RNF152: variants seen among roughly 807,000 people sequenced by gnomAD.
RNF152 encodes ring finger protein 152.
RNF152 carries 11 observed loss-of-function variants against 12.7 expected under a neutral mutation model. The ratio of observed to expected loss-of-function variants is 0.86; its 90% CI spans 0.54 to 1.43. The LOEUF is 1.43. Ranked by LOEUF, RNF152 falls within the 40% of genes most tolerant of loss-of-function variation. The pLI, the probability that RNF152 is intolerant of heterozygous loss-of-function variation, is 0.00. For missense variants in RNF152, 255 were observed against 274.8 expected, an observed-to-expected ratio of 0.93 and a Z score of 0.51; for synonymous variants, 113 against 120.3, an observed-to-expected ratio of 0.94 and a Z score of 0.40.
chr18:61,847,400 C>T (rs1169865089), intron 1 of RNF152, among the ~76,000 whole-genome samples: 1 of 152,200 alleles, frequency 6.6e-6, no homozygotes, highest in African/African-American at 2.4e-5. Context: ...GGTATTGTTA[C>T]AGTCAGAGCT....
At position 61,809,314 on chromosome 18, in the gene RNF152, G is replaced by T. The variant is rs1912843507; in HGVS notation, c.*6538C>A. 6.6e-6 allele frequency: 1 copy of T among 151,918 alleles called. No individual in the cohort carries two copies. Among genetic ancestry groups the T allele is most frequent in the Non-Finnish European group, 1.5e-5 (1 of 68,000 alleles). The allele number at this position is 151,918 out of a possible 1,614,324, so 9.4% of individuals were successfully genotyped here. A position where few individuals can be genotyped will look rare whatever the true frequency, so the allele number is the denominator to read the frequency against. On this transcript the variant is annotated 3_prime_UTR_variant, in exon 2 of 2. Coordinates refer to ENST00000312828, the MANE Select transcript of RNF152 (RefSeq NM_173557.3). ...GGATTTTCCTAAAGCACAGTGTAAG[G>T]TACCAGCTACTGTGTTCTCCCACTA...
intron 1 of RNF152, among the ~76,000 whole-genome samples, chr18:61,863,433 C>CAAA (rs34663065): frequency 9.9e-5 from 9 of 90,940 alleles, no homozygotes; most frequent in African/African-American, 2.1e-4. Context: ...GACTCCGTCT[C>CAAA]AAAAAAAAAA....
chr18:61,869,160 C>G (rs1156723664), intron 1 of RNF152, among the ~76,000 whole-genome samples: 1 of 152,170 alleles, frequency 6.6e-6, no homozygotes, highest in African/African-American at 2.4e-5. Flanking sequence ...AAAGCCCAGT[C>G]TTAATCATTT....
Position 61,815,353 on chromosome 18 carries a change from G to A in RNF152, c.*499C>T, listed in dbSNP as rs1477243486. On this transcript the variant is annotated 3_prime_UTR_variant, in exon 2 of 2. Transcript: ENST00000312828. ...CATTCAAAATGTATTAAAAGCCTTA[G>A]CAACTAAATGAAGACTGGGTTTCAA... 6.6e-6 allele frequency: 1 copy of A among 151,848 alleles called. No individual in the cohort carries two copies. Among genetic ancestry groups the A allele is most frequent in the Admixed American group, 6.6e-5 (1 of 15,232 alleles). The allele number at this position is 151,848 out of a possible 1,614,324, so 9.4% of individuals were successfully genotyped here. A position where few individuals can be genotyped will look rare whatever the true frequency, so the allele number is the denominator to read the frequency against.
rs535907160 is a variant in RNF152 at position 61,823,859 on chromosome 18, G to A, written c.-135-7261C>T. 3.9e-5 allele frequency among the ~76,000 whole-genome samples: 6 copies of A among 152,354 alleles called. No homozygotes were observed. In the East Asian group the frequency reaches 7.7e-4, roughly 20 times the overall value. ...CCCAATTGGCCTGGCTGCAGCCTAG[G>A]TGCTGTCCCTGTCTGGATGTGCCGT... On this transcript the variant is annotated intron_variant, in intron 1 of 1. Coordinates refer to ENST00000312828, the MANE Select transcript of RNF152 (RefSeq NM_173557.3).
intron 1 of RNF152, among the ~76,000 whole-genome samples, chr18:61,858,774 T>C (rs890863132): frequency 1.4e-4 from 22 of 152,182 alleles, no homozygotes; most frequent in Admixed American, 1.4e-3. Flanking sequence ...CTGCCAGCAG[T>C]TTGCATTCAG....
intron 1 of RNF152, among the ~76,000 whole-genome samples, chr18:61,878,727 C>T (rs951592052): frequency 1.1e-4 from 17 of 152,288 alleles, no homozygotes; most frequent in Admixed American, 5.9e-4. Context: ...TGTGTCCTCA[C>T]GTGGCAGAAG....
At chr18:61,889,397 C>T (rs1012013475) in intron 1 of RNF152, among the ~76,000 whole-genome samples, 1 of 152,218 alleles carries the variant, frequency 6.6e-6, no homozygotes, top group Non-Finnish European at 1.5e-5. Flanking sequence ...CCCGTGCATG[C>T]CGTTATCACA....
chr18:61,816,058 G>T lies in RNF152; in HGVS notation c.406C>A (p.Pro136Thr), dbSNP rs1252018522. 13 of 1,614,094 alleles carry T rather than the reference G, an allele frequency of 8.1e-6. No homozygotes were observed. The highest frequency in any genetic ancestry group is 1.7e-5 in the Admixed American group (1 of 60,016). Residue 136 changes from proline (P) to threonine (T), a missense_variant, in exon 2 of 2, where the codon CCT becomes ACT. By Grantham distance (38) the Pro-to-Thr change is conservative (BLOSUM62 -1). Coordinates refer to ENST00000312828, the MANE Select transcript of RNF152 (RefSeq NM_173557.3). ...QQKSVTVVTI[P>T]AEQQPLQGGA... ...CCTTGCAGAGGCTGCTGTTCAGCAGGGATGGTCACCACGGTGACGGACTTC... is the reference window on the plus strand; with the variant it reads ...CCTTGCAGAGGCTGCTGTTCAGCAGTGATGGTCACCACGGTGACGGACTTC...
intron 1 of RNF152, among the ~76,000 whole-genome samples, chr18:61,882,803 T>G (rs895044634): frequency 3.3e-5 from 5 of 152,054 alleles, no homozygotes; most frequent in African/African-American, 4.8e-5. Context: ...TACAGACTCA[T>G]CACGAAAACC....
intron 1 of RNF152, among the ~76,000 whole-genome samples, chr18:61,870,790 G>A (rs1375228395): frequency 6.6e-6 from 1 of 152,030 alleles, no homozygotes; most frequent in African/African-American, 2.4e-5. Context: ...ACAGTTCAGG[G>A]GAAACAGCAT....
intron 1 of RNF152, among the ~76,000 whole-genome samples, chr18:61,840,246 C>T (rs573845653): frequency 2.6e-5 from 4 of 152,334 alleles, no homozygotes; most frequent in Admixed American, 2.0e-4. Context: ...GCCCCCAGAA[C>T]TGTGAGAAAT....
At chr18:61,893,349 C>T (rs1361248639), upstream of RNF152, 1 of 152,460 alleles carries the variant, frequency 6.6e-6, no homozygotes, top group African/African-American at 2.4e-5. Flanking sequence ...TCGTTTGCCC[C>T]TGTCCGCCAC....
chr18:61,884,086 T>C (rs1408817440), intron 1 of RNF152, among the ~76,000 whole-genome samples: 1 of 152,210 alleles, frequency 6.6e-6, no homozygotes, highest in Non-Finnish European at 1.5e-5. Context: ...GATTGGTGGA[T>C]GGTAGATGCT....
chr18:61,844,120 A>AAGAAAGAAAGAAAGAAAGAAAGAG (rs1568275407), intron 1 of RNF152, among the ~76,000 whole-genome samples: 1 of 138,210 alleles, frequency 7.2e-6, no homozygotes, highest in African/African-American at 2.5e-5. Context: ...GAAAGAAAGA[A>AAGAAAGAAAGAAAGAAAGAAAGAG]AGAAAGAAAG....
chr18:61,892,027 G>A (rs1459996782), intron 1 of RNF152, among the ~76,000 whole-genome samples: 4 of 152,194 alleles, frequency 2.6e-5, no homozygotes, highest in Non-Finnish European at 4.4e-5. Flanking sequence ...TGAAGGTTAC[G>A]TTTTTTCATT....
rs1045415777 is a variant in RNF152, at chr18:61,865,652, C to T, written c.-136+27143G>A. Among the ~76,000 whole-genome samples the T allele has an allele frequency of 3.0e-4, 45 of 152,270 alleles. 1 individual carries two copies. Among genetic ancestry groups the T allele is most frequent in the African/African-American group, 9.6e-4 (40 of 41,554 alleles). ...CCCGTTGTGGAATTTAGTTTAGAGTCTCTGTTGCCACAGAGAGTTTCACAA... is the reference window on the plus strand; with the variant it reads ...CCCGTTGTGGAATTTAGTTTAGAGTTTCTGTTGCCACAGAGAGTTTCACAA... On this transcript the variant is annotated intron_variant, in intron 1 of 1. Transcript: ENST00000312828.
chr18:61,893,947 G>T (rs1599336715), upstream of RNF152, among the ~76,000 whole-genome samples: 1 of 149,242 alleles, frequency 6.7e-6, no homozygotes, highest in South Asian at 2.1e-4. Context: ...CAGACCCCGC[G>T]CTCCCCTCCC....
intron 1 of RNF152, among the ~76,000 whole-genome samples, chr18:61,820,020 C>CAAAAAA: frequency 1.6e-5 from 1 of 64,358 alleles, no homozygotes; most frequent in Non-Finnish European, 2.9e-5. Flanking sequence ...GACACTATCT[C>CAAAAAA]AAAAAAAAAA....
Sources: allele counts gnomAD v4.1 joint callset (sites outside exome capture counted in the v4.1 genomes callset), GRCh38; gene constraint gnomAD v4.1.1; transcripts MANE v1.5; gene names NCBI Gene and HGNC (gene_info 2026-07-23, HGNC 2026-07-21).